MCPH1: variants seen among roughly 807,000 people sequenced by gnomAD.
The protein encoded by MCPH1 is microcephalin 1.
Under a neutral mutation model 84.5 loss-of-function variants are expected in MCPH1, and 104 were observed. The ratio of observed to expected loss-of-function variants is 1.23; its 90% CI spans 1.05 to 1.45. The LOEUF (loss-of-function observed/expected upper bound fraction) is 1.45. MCPH1 is among the 40% of genes most tolerant of loss of function. MCPH1 has a pLI of 0.00. For synonymous variants in MCPH1, 514 were observed against 366.8 expected (o/e 1.40, Z -4.58); for missense variants, 1,498 against 1,005.7 (o/e 1.49, Z -6.62).
chr8:6,583,870 A>T (rs1422669607), intron 12 of MCPH1, among the ~76,000 whole-genome samples: 2 of 78,364 alleles, frequency 2.6e-5, no homozygotes, highest in Non-Finnish European at 6.0e-5. Context: ...TTTTTTTTTA[A>T]GACATATCTT....
At chr8:6,545,692 AAATAAAT>A (rs1278002865) in intron 12 of MCPH1, among the ~76,000 whole-genome samples, 1 of 152,214 alleles carries the variant, frequency 6.6e-6, no homozygotes, top group East Asian at 1.9e-4. Context: ...ATTAGTCTAA[AAATAAAT>A]AATAAATAAA....
At chr8:6,492,826 A>G (rs1347187603) in intron 11 of MCPH1, among the ~76,000 whole-genome samples, 1 of 151,624 alleles carries the variant, frequency 6.6e-6, no homozygotes, top group Non-Finnish European at 1.5e-5. Flanking sequence ...TTAACTGATA[A>G]GGATTATTGT....
intron 13 of MCPH1, chr8:6,626,595 C>T (rs554153675): frequency 1.0e-6 from 1 of 984,354 alleles, no homozygotes; most frequent in East Asian, 1.1e-4. Flanking sequence ...TTACCTTTAC[C>T]TGATATTGAT....
chr8:6,578,775 G>C (rs556761831), intron 12 of MCPH1, among the ~76,000 whole-genome samples: 51 of 152,202 alleles, frequency 3.4e-4, no homozygotes, highest in Non-Finnish European at 5.6e-4. Flanking sequence ...GCAGATCAAT[G>C]TAAAGGCAGG....
intron 12 of MCPH1, among the ~76,000 whole-genome samples, chr8:6,534,825 T>A (rs1297454465): frequency 6.6e-6 from 1 of 152,184 alleles, no homozygotes. Flanking sequence ...CCCCTGCCTT[T>A]ATAAAACTGT....
chr8:6,566,273 C>G (rs1826141278), intron 12 of MCPH1, among the ~76,000 whole-genome samples: 1 of 152,226 alleles, frequency 6.6e-6, no homozygotes, highest in African/African-American at 2.4e-5. Flanking sequence ...CTCTGAGAGC[C>G]TAGGTGGTCT....
chr8:6,547,267 G>C (rs907799423), intron 12 of MCPH1, among the ~76,000 whole-genome samples: 1 of 152,092 alleles, frequency 6.6e-6, no homozygotes, highest in Non-Finnish European at 1.5e-5. Context: ...AACTTTCAGT[G>C]TGATTCTCCA....
Position 6,527,649 on chromosome 8 carries a change from G to T in MCPH1, c.2214+27720G>T, listed in dbSNP as rs566633495. The T allele has an allele frequency of 1.3e-5, 21 of 1,613,868 alleles. No individual in the cohort carries two copies. The African/African-American group carries it at 2.3e-4, about 17-fold the overall frequency. Reference sequence around the variant, plus strand: ...GAGAGGGAGTGTTCCAAGAGCTGAAGTTCAAGTCTCGTGGTCTGATTTAAT... The same window carrying T: ...GAGAGGGAGTGTTCCAAGAGCTGAATTTCAAGTCTCGTGGTCTGATTTAAT... On this transcript the variant is annotated intron_variant, in intron 12 of 13. Transcript: ENST00000344683.
At chr8:6,514,823 C>A (rs939969347) in intron 12 of MCPH1, 7 of 1,531,180 alleles carry the variant, frequency 4.6e-6, no homozygotes, top group Admixed American at 1.7e-5. Context: ...CCCCCCCACT[C>A]CCCCCTTACG....
chr8:6,437,661 C>T (rs1802864164), intron 5 of MCPH1, among the ~76,000 whole-genome samples: 1 of 152,238 alleles, frequency 6.6e-6, no homozygotes, highest in Non-Finnish European at 1.5e-5. Context: ...CCCGCTGCCT[C>T]ACCTGGTGCG....
intron 3 of MCPH1, among the ~76,000 whole-genome samples, chr8:6,419,697 G>C (rs901067452): frequency 5.9e-5 from 9 of 151,788 alleles, no homozygotes; most frequent in Non-Finnish European, 1.2e-4. Context: ...TTTTTTTATA[G>C]AGATGGGATC....
chr8:6,567,187 A>T (rs1826256836), intron 12 of MCPH1, among the ~76,000 whole-genome samples: 1 of 34,518 alleles, frequency 2.9e-5, no homozygotes, highest in Non-Finnish European at 1.2e-4. Flanking sequence ...TATGATCAGC[A>T]AGGCCATGGA....
chr8:6,625,593 A>T, intron 13 of MCPH1: 1 of 985,332 alleles, frequency 1.0e-6, no homozygotes, highest in Non-Finnish European at 1.2e-6. Context: ...AATTTATTCA[A>T]ACTGGAATAT....
chr8:6,463,540 G>C (rs960757364), intron 9 of MCPH1, among the ~76,000 whole-genome samples: 6 of 152,138 alleles, frequency 3.9e-5, no homozygotes, highest in African/African-American at 1.2e-4. Context: ...CCCAGAGAAG[G>C]AGCCTTGCAG....
chr8:6,449,965 A>C (rs1027397007), intron 8 of MCPH1, among the ~76,000 whole-genome samples: 4 of 150,492 alleles, frequency 2.7e-5, no homozygotes, highest in Non-Finnish European at 3.0e-5. Flanking sequence ...GTTGTCCTAT[A>C]GGTGCCGTGT....
At chr8:6,497,526 C>A (rs960153386) in intron 11 of MCPH1, among the ~76,000 whole-genome samples, 1 of 151,904 alleles carries the variant, frequency 6.6e-6, no homozygotes, top group Non-Finnish European at 1.5e-5. Flanking sequence ...AAGTTGAAAA[C>A]AGCTTAGGGA....
At chr8:6,531,488 C>T (rs888433862) in intron 12 of MCPH1, among the ~76,000 whole-genome samples, 1 of 152,004 alleles carries the variant, frequency 6.6e-6, no homozygotes, top group South Asian at 2.1e-4. Context: ...GACGGGTTTT[C>T]GCCATGTTGG....
chr8:6,437,176 T>G (rs575988359), intron 5 of MCPH1, among the ~76,000 whole-genome samples: 25 of 152,296 alleles, frequency 1.6e-4, no homozygotes, highest in African/African-American at 6.0e-4. Context: ...TATGTTACTA[T>G]GTCACAGATT....
At chr8:6,629,481 A>G (rs943561639) in intron 13 of MCPH1, among the ~76,000 whole-genome samples, 3 of 152,150 alleles carry the variant, frequency 2.0e-5, no homozygotes, top group Non-Finnish European at 4.4e-5. Context: ...AAAATAAAAT[A>G]AAGGAAGACA....
Sources: allele counts gnomAD v4.1 joint callset (sites outside exome capture counted in the v4.1 genomes callset), GRCh38; gene constraint gnomAD v4.1.1; transcripts MANE v1.5; gene names NCBI Gene and HGNC (gene_info 2026-07-23, HGNC 2026-07-21).